The following SLC6A5 variants were observed in gnomAD, a reference collection of about 807,000 sequenced individuals.
The protein encoded by SLC6A5 is solute carrier family 6 member 5.
In SLC6A5, 58 loss-of-function variants were observed where a neutral mutation model predicts 90.5. The observed-to-expected ratio is 0.64, with a 90% confidence interval of 0.52 to 0.80. The LOEUF is 0.80. Ranked by LOEUF, SLC6A5 falls within the 30% of genes least tolerant of loss-of-function variation. The probability of loss-of-function intolerance (pLI) is 0.00; values close to 1 mark genes in which losing one functional copy is unlikely to be tolerated. For synonymous variants in SLC6A5, 427 were observed against 401.4 expected, an observed-to-expected ratio of 1.06 and a Z score of -0.76; for missense variants, 1,015 against 1,017.6, an observed-to-expected ratio of 1.00 and a Z score of 0.03.
At chr11:20,645,612 G>A (rs1853397569) in intron 13 of SLC6A5, among the ~76,000 whole-genome samples, 1 of 150,090 alleles carries the variant, frequency 6.7e-6, no homozygotes, top group Non-Finnish European at 1.5e-5. Context: ...TGAAAATGAT[G>A]GAGGATGAAG....
At chr11:20,641,542 C>T (rs1439096821) in intron 13 of SLC6A5, among the ~76,000 whole-genome samples, 1 of 152,314 alleles carries the variant, frequency 6.6e-6, no homozygotes, top group South Asian at 2.1e-4. Flanking sequence ...CCCCTGAAAT[C>T]TGCAAATTCA....
intron 7 of SLC6A5, among the ~76,000 whole-genome samples, chr11:20,622,674 G>A (rs1025783759): frequency 6.6e-5 from 10 of 152,196 alleles, no homozygotes; most frequent in Admixed American, 3.3e-4. Context: ...GAGTGATGGT[G>A]TCTAAACAGC....
At chr11:20,638,641 A>T (rs1480736908) in intron 13 of SLC6A5, 83 bp downstream of exon 13, 2 of 841,646 alleles carry the variant, frequency 2.4e-6, no homozygotes, top group Non-Finnish European at 4.1e-6. Flanking sequence ...CCCATACTTA[A>T]TAAGACAATA....
chr11:20,606,513 G>A (rs1852584450), intron 3 of SLC6A5, among the ~76,000 whole-genome samples: 2 of 152,136 alleles, frequency 1.3e-5, no homozygotes, highest in African/African-American at 2.4e-5. Context: ...GTCTGGCAGA[G>A]CCTGCCCAAC....
At chr11:20,615,759 G>T (rs1315697256) in intron 6 of SLC6A5, among the ~76,000 whole-genome samples, 1 of 151,234 alleles carries the variant, frequency 6.6e-6, no homozygotes, top group African/African-American at 2.4e-5. Flanking sequence ...TTCAGGGGTT[G>T]TAAATTCAAA....
intron 7 of SLC6A5, among the ~76,000 whole-genome samples, chr11:20,625,677 C>A (rs1328710956): frequency 6.6e-6 from 1 of 152,160 alleles, no homozygotes; most frequent in Non-Finnish European, 1.5e-5. Context: ...TAGCCCCCCA[C>A]CCCCTACTCT....
At chr11:20,621,602 C>G (rs1252608515) in intron 7 of SLC6A5, among the ~76,000 whole-genome samples, 1 of 152,236 alleles carries the variant, frequency 6.6e-6, no homozygotes, top group Admixed American at 6.5e-5. Flanking sequence ...TCACAATTTA[C>G]TATCCTGCCC....
In SLC6A5 at chr11:20,638,534, C is replaced by A. The variant is rs776547802; in HGVS notation, c.1945C>A (p.Leu649Ile). ...CCTTGTCATCATTGCCATTTTTGAG[C>A]TCGTGGGGATCTCTTATGTGTATGG... ...YALVIIAIFE[L>I]VGISYVYGLQ... Residue 649 changes from leucine to isoleucine, a missense_variant, in exon 13 of 16, where the codon CTC (leucine) becomes ATC (isoleucine). By Grantham distance (5) the Leu-to-Ile change is conservative. Around this residue, in one of 3 missense-constraint regions of SLC6A5, gnomAD observed 442 missense variants for 494.3 expected, o/e 0.89. Coordinates refer to ENST00000525748, the MANE Select transcript of SLC6A5 (RefSeq NM_004211.5). 1.9e-6 allele frequency: 3 copies of A among 1,610,268 alleles called. No individual in the cohort carries two copies. The Admixed American group carries it at 5.0e-5, about 27-fold the overall frequency.
chr11:20,621,795 A>G (rs1292140912), intron 7 of SLC6A5, among the ~76,000 whole-genome samples: 1 of 152,182 alleles, frequency 6.6e-6, no homozygotes, highest in Non-Finnish European at 1.5e-5. Flanking sequence ...GGGCCTCAGG[A>G]GACAGGACTG....
At chr11:20,630,611 A>G in intron 9 of SLC6A5, 80 bp from the exon 10 acceptor site, 1 of 1,519,096 alleles carries the variant, frequency 6.6e-7, no homozygotes, top group East Asian at 2.3e-5. Flanking sequence ...ACATGTGGGC[A>G]CACATTTGTG....
At chr11:20,607,705 T>C (rs1852612508) in intron 5 of SLC6A5, 53 bp downstream of exon 5, 1 of 1,429,238 alleles carries the variant, frequency 7.0e-7, no homozygotes, top group African/African-American at 1.4e-5. Flanking sequence ...TATCCATTTA[T>C]TCAGCAAAAT....
In SLC6A5 at chr11:20,658,599, C is replaced by T. The variant is rs1411266032; in HGVS notation, c.*3731C>T. 1 of 152,146 alleles carries T rather than the reference C, an allele frequency of 6.6e-6. No individual in the cohort carries two copies. Among genetic ancestry groups the T allele is most frequent in the Non-Finnish European group, 1.5e-5 (1 of 68,036 alleles). The allele number at this position is 152,146 out of a possible 1,614,324, so 9.4% of individuals were successfully genotyped here. ...GTGAAAGTGAAGCTTCCTATCTTTC[C>T]CAGATTTTGCTTTAATTGCCCAGAA... On this transcript the variant is annotated 3_prime_UTR_variant, in exon 16 of 16. Transcript: ENST00000525748.
At chr11:20,622,396 T>A (rs1768782734) in intron 7 of SLC6A5, among the ~76,000 whole-genome samples, 1 of 152,180 alleles carries the variant, frequency 6.6e-6, no homozygotes, top group Admixed American at 6.5e-5. Flanking sequence ...CACCTGACAG[T>A]GAATGCCTCT....
At chr11:20,633,798 T>A (rs1043254081) in intron 10 of SLC6A5, among the ~76,000 whole-genome samples, 1 of 152,206 alleles carries the variant, frequency 6.6e-6, no homozygotes, top group Non-Finnish European at 1.5e-5. Flanking sequence ...ATTGTGTGGA[T>A]AAAGAAACTA....
Position 20,655,246 on chromosome 11 carries a change from C to T in SLC6A5, c.*378C>T, listed in dbSNP as rs1853622262. The T allele has an allele frequency of 9.3e-6, 3 of 322,738 alleles. No individual in the cohort carries two copies. Among genetic ancestry groups the T allele is most frequent in the Non-Finnish European group, 1.8e-5 (3 of 163,936 alleles). The allele number at this position is 322,738 out of a possible 1,614,324, so 20.0% of individuals were successfully genotyped here. A position where few individuals can be genotyped will look rare whatever the true frequency, so the allele number is the denominator to read the frequency against. ...GCCAGTAAGGCATGTATAGAGTGGC[C>T]GAATTACAAGACTTTATTTGGACTT... On this transcript the variant is annotated 3_prime_UTR_variant, in exon 16 of 16. Coordinates refer to ENST00000525748, the MANE Select transcript of SLC6A5 (RefSeq NM_004211.5).
chr11:20,624,875 C>G (rs949082535), intron 7 of SLC6A5, among the ~76,000 whole-genome samples: 1 of 152,168 alleles, frequency 6.6e-6, no homozygotes, highest in Non-Finnish European at 1.5e-5. Flanking sequence ...CTTCTGTTTC[C>G]AGTGCCCTGG....
chr11:20,637,352 G>A, intron 12 of SLC6A5, 49 bp downstream of exon 12: 1 of 1,533,934 alleles, frequency 6.5e-7, no homozygotes, highest in Non-Finnish European at 9.0e-7. Flanking sequence ...GGAGGGTGGG[G>A]GGCCAATAGC....
At chr11:20,600,335 GGAAGAAGAA>G (rs55891826) in intron 1 of SLC6A5, among the ~76,000 whole-genome samples, 11,297 of 87,716 alleles carry the variant, frequency 0.13, 696 homozygotes, top group Middle Eastern at 0.17. Context: ...AAGAAGAAGA[GGAAGAAGAA>G]GAAGAAGAAG....
chr11:20,630,837 G>A (rs760314444), intron 10 of SLC6A5, 22 bp downstream of exon 10: 1 of 1,613,658 alleles, frequency 6.2e-7, no homozygotes, highest in Non-Finnish European at 8.5e-7. Flanking sequence ...TTGTTACCCT[G>A]CTGTTGCAGG....
Sources: allele counts gnomAD v4.1 joint callset (sites outside exome capture counted in the v4.1 genomes callset), GRCh38; gene constraint gnomAD v4.1.1; regional missense constraint gnomAD v4.1.1; transcripts MANE v1.5; gene names NCBI Gene and HGNC (gene_info 2026-07-23, HGNC 2026-07-21).